Variants in CENPO observed in about 807,000 individuals in gnomAD.
The protein encoded by CENPO is centromeric protein O.
Under a neutral mutation model 36.1 loss-of-function variants are expected in CENPO, and 30 were observed. That is an observed-to-expected ratio of 0.83 (90% CI 0.62 to 1.13). CENPO has a LOEUF of 1.13. Ranked by LOEUF, CENPO falls within the 50% of genes most tolerant of loss-of-function variation. The pLI, the probability that CENPO is intolerant of heterozygous loss-of-function variation, is 0.00. For synonymous variants in CENPO, 171 were observed against 142.3 expected (o/e 1.20, Z -1.44); for missense variants, 349 against 357.8 (o/e 0.98, Z 0.20).
intron 3 of CENPO, among the ~76,000 whole-genome samples, chr2:24,807,278 TC>T (rs1666450256): frequency 2.2e-5 from 1 of 44,880 alleles, no homozygotes; most frequent in Non-Finnish European, 8.5e-5. Context: ...TTCCTAGTCT[TC>T]TCTTAAGTCT....
rs1189262495 is a variant in CENPO at position 24,815,601 on chromosome 2, C to T, written c.439C>T (p.Pro147Ser). 1.9e-6 allele frequency: 3 copies of T among 1,613,976 alleles called. No homozygotes were observed. The African/African-American group carries it at 4.0e-5, about 22-fold the overall frequency. The change falls in exon 5 of 8, where the codon CCA (proline) becomes TCA (serine). Residue 147 changes from proline to serine, a missense_variant. Coordinates refer to ENST00000380834, the MANE Select transcript of CENPO (RefSeq NM_001322101.2). Reference sequence around the variant, plus strand: ...TTTTGTGGACCTTGTCATACAGAAACCACTCCGGATACATCACCATTCAGT... The same window carrying T: ...TTTTGTGGACCTTGTCATACAGAAATCACTCCGGATACATCACCATTCAGT... The part of the protein sequence containing the change: ...SYFVDLVIQK[P>S]LRIHHHSVPV...
chr2:24,818,195 A>G (rs1419400058), intron 7 of CENPO, among the ~76,000 whole-genome samples: 2 of 152,224 alleles, frequency 1.3e-5, no homozygotes, highest in Non-Finnish European at 2.9e-5. Flanking sequence ...TGTCACAGTA[A>G]CTGCTACTAA....
At position 24,815,617 on chromosome 2, in the gene CENPO, A is replaced by G; in HGVS notation, c.455A>G (p.His152Arg). The G allele has an allele frequency of 6.2e-7, 1 of 1,614,156 alleles. No homozygotes were observed. The highest frequency in any genetic ancestry group is 8.5e-7 in the Non-Finnish European group (1 of 1,180,026). Reference sequence around the variant, plus strand: ...ATACAGAAACCACTCCGGATACATCACCATTCAGTCCCAGTCTTCATTCCC... The same window carrying G: ...ATACAGAAACCACTCCGGATACATCGCCATTCAGTCCCAGTCTTCATTCCC... ...LVIQKPLRIH[H>R]HSVPVFIPLE... Residue 152 changes from histidine (H) to arginine (R), a missense_variant, in exon 5 of 8, where the codon CAC becomes CGC. Coordinates refer to ENST00000380834, the MANE Select transcript of CENPO (RefSeq NM_001322101.2).
rs1194013224 is a variant in CENPO at position 24,819,723 on chromosome 2, AGACCCCTATGCTGGG to A, written c.*409_*423del. 2.6e-5 allele frequency: 15 copies of A among 571,700 alleles called. No individual in the cohort carries two copies. In the East Asian group the frequency reaches 2.9e-4, roughly 11 times the overall value. 35.4% of individuals were successfully genotyped at this position (571,700 alleles called of 1,614,324 possible). A position where few individuals can be genotyped will look rare whatever the true frequency, so the allele number is the denominator to read the frequency against. On this transcript the variant is annotated 3_prime_UTR_variant, in exon 8 of 8. Transcript: ENST00000380834. ...GAAGGACTGTTCAGCCCTATGCCTA[AGACCCCTATGCTGGG>A]GACACTACAGGCACACACAGGAATA... is the stretch of plus-strand genomic sequence containing the variant.
rs373113971 is a variant in CENPO at position 24,815,679 on chromosome 2, A to G, written c.517A>G (p.Ile173Val). The G allele has an allele frequency of 4.3e-6, 7 of 1,613,884 alleles. No homozygotes were observed. The highest frequency in any genetic ancestry group is 4.2e-6 in the Non-Finnish European group (5 of 1,179,858). ...AGCTGCAAAATATTTACAGACCAAC[A>G]TCCAGCACTTCCTGTTCAGTCTCTG... ...EIAAKYLQTN[I>V]QHFLFSLCEY... The change falls in exon 5 of 8, where the codon ATC becomes GTC. Residue 173 changes from isoleucine (I) to valine (V), a missense_variant. Ile to Val is a conservative substitution (Grantham distance 29). Transcript: ENST00000380834.
At chr2:24,815,475 G>A (rs1666897587) in intron 4 of CENPO, 22 bp from the exon 5 acceptor site, 7 of 1,610,482 alleles carry the variant, frequency 4.3e-6, no homozygotes, top group Non-Finnish European at 5.9e-6. Flanking sequence ...TGTCTATTGA[G>A]GTGTCTTCTT....
In CENPO at chr2:24,815,561, C is replaced by T. The variant is rs1666901844; in HGVS notation, c.399C>T (p.Asn133=). ...CVCISTAFEG[N]LLDSYFVDLV... The stretch of plus-strand genomic sequence containing the variant: ...GCATCAGTACTGCTTTTGAGGGGAA[C>T]CTATTGGATTCCTATTTTGTGGACC... Residue 133 remains asparagine, a synonymous_variant, in exon 5 of 8, where the codon AAC becomes AAT. Coordinates refer to ENST00000380834, the MANE Select transcript of CENPO (RefSeq NM_001322101.2). The T allele has an allele frequency of 2.5e-6, 4 of 1,612,728 alleles. No individual in the cohort carries two copies. In the African/African-American group the frequency reaches 5.3e-5, roughly 22 times the overall value.
At chr2:24,803,924 TG>T (rs1300086517) in intron 3 of CENPO, among the ~76,000 whole-genome samples, 2 of 152,286 alleles carry the variant, frequency 1.3e-5, no homozygotes, top group African/African-American at 4.8e-5. Context: ...ATGTTGATGG[TG>T]GGGTGTTAAA....
chr2:24,822,232 G>A lies in CENPO; in HGVS notation c.*2914G>A, dbSNP rs921193195. 4 of 301,908 alleles carry A rather than the reference G, an allele frequency of 1.3e-5. No individual in the cohort carries two copies. The Admixed American group carries it at 1.8e-4, about 14-fold the overall frequency. The allele number at this position is 301,908 out of a possible 1,614,324, so 18.7% of individuals were successfully genotyped here. ...TTCCCTTGTTGACAATTGCTCTCCA[G>A]TTCCTATGAAAGCACAGAGCCTTAG... is the stretch of plus-strand genomic sequence containing the variant. On this transcript the variant is annotated 3_prime_UTR_variant, in exon 8 of 8. Transcript: ENST00000380834.
At chr2:24,816,568 C>T (rs559981016) in intron 5 of CENPO, 78 bp from the exon 6 acceptor site, 15 of 989,726 alleles carry the variant, frequency 1.5e-5, no homozygotes, top group South Asian at 1.0e-4. Context: ...TTTTGGTTGA[C>T]GTAATTGAAG....
intron 3 of CENPO, among the ~76,000 whole-genome samples, chr2:24,808,885 CT>C (rs777345119): frequency 4.1e-4 from 59 of 142,216 alleles, no homozygotes; most frequent in Middle Eastern, 3.6e-3. Flanking sequence ...AGACATTTTC[CT>C]TTTTTTTTTT....
In CENPO at chr2:24,820,170, G is replaced by T; in HGVS notation, c.*852G>T. 1 of 1,330,354 alleles carries T rather than the reference G, an allele frequency of 7.5e-7. No homozygotes were observed. The highest frequency in any genetic ancestry group is 1.0e-6 in the Non-Finnish European group (1 of 983,620). 82.4% of individuals were successfully genotyped at this position (1,330,354 alleles called of 1,614,324 possible). A position where few individuals can be genotyped will look rare whatever the true frequency, so the allele number is the denominator to read the frequency against. On this transcript the variant is annotated 3_prime_UTR_variant, in exon 8 of 8. Transcript: ENST00000380834. ...GTTACGGGGGGAGCCTAGACTGAGG[G>T]CGGGTGGGGGCTTTGGGTGGTTGGA...
chr2:24,821,874 T>TG lies in CENPO; in HGVS notation c.*2557dup, dbSNP rs1667778107. 8 of 515,010 alleles carry TG rather than the reference T, an allele frequency of 1.6e-5. No individual in the cohort carries two copies. The highest frequency in any genetic ancestry group is 2.7e-5 in the Non-Finnish European group (8 of 298,050). 31.9% of individuals were successfully genotyped at this position (515,010 alleles called of 1,614,324 possible). A position where few individuals can be genotyped will look rare whatever the true frequency, so the allele number is the denominator to read the frequency against. On this transcript the variant is annotated 3_prime_UTR_variant, in exon 8 of 8. Coordinates refer to ENST00000380834, the MANE Select transcript of CENPO (RefSeq NM_001322101.2). ...CAATTGAGCAGAGGAGACGGACCTG[T>TG]GAGTCTGACCACGAGGCGGACCCCT...
At chr2:24,804,705 C>G (rs1056581353) in intron 3 of CENPO, among the ~76,000 whole-genome samples, 2 of 152,344 alleles carry the variant, frequency 1.3e-5, no homozygotes, top group African/African-American at 4.8e-5. Flanking sequence ...AGCTGTTAGT[C>G]TGATGGGCTT....
Position 24,814,493 on chromosome 2 carries a change from G to A in CENPO, c.334G>A (p.Gly112Ser), listed in dbSNP as rs776682842. The A allele has an allele frequency of 6.9e-7, 1 of 1,459,632 alleles. No individual in the cohort carries two copies. The highest frequency in any genetic ancestry group is 9.6e-7 in the Non-Finnish European group (1 of 1,039,212). 90.4% of individuals were successfully genotyped at this position (1,459,632 alleles called of 1,614,324 possible). ...KAILQAYHFT[G>S]LSGKLTSRGV... Reference sequence around the variant, plus strand: ...CATTCTGCAGGCATATCATTTTACAGGTTTTGTTTGTTTTTTTAACCTAAT... The same window carrying A: ...CATTCTGCAGGCATATCATTTTACAAGTTTTGTTTGTTTTTTTAACCTAAT... The change falls in exon 4 of 8, where the codon GGC becomes AGC. Residue 112 changes from glycine (G) to serine (S), a missense_variant and splice_region_variant. Transcript: ENST00000380834.
chr2:24,815,537 C>T lies in CENPO; in HGVS notation c.375C>T (p.Cys125=), dbSNP rs540115327. ...GKLTSRGVCV[C]ISTAFEGNLL... Reference sequence around the variant, plus strand: ...TGACCAGCCGAGGAGTTTGTGTCTGCATCAGTACTGCTTTTGAGGGGAACC... The same window carrying T: ...TGACCAGCCGAGGAGTTTGTGTCTGTATCAGTACTGCTTTTGAGGGGAACC... The change falls in exon 5 of 8, where the codon TGC becomes TGT. Residue 125 remains cysteine (C), a synonymous_variant. Coordinates refer to ENST00000380834, the MANE Select transcript of CENPO (RefSeq NM_001322101.2). 12 of 1,613,818 alleles carry T rather than the reference C, an allele frequency of 7.4e-6. No homozygotes were observed. The highest frequency in any genetic ancestry group is 6.7e-5 in the Admixed American group (4 of 60,024).
intron 2 of CENPO, 82 bp from the exon 3 acceptor site, chr2:24,799,593 C>T (rs1310348134): frequency 1.7e-5 from 19 of 1,101,994 alleles, no homozygotes; most frequent in Non-Finnish European, 1.5e-5. Context: ...AAAAGAGTCA[C>T]CTGTTCTTCC....
At chr2:24,804,946 A>G (rs1666321496) in intron 3 of CENPO, among the ~76,000 whole-genome samples, 1 of 152,138 alleles carries the variant, frequency 6.6e-6, no homozygotes, top group African/African-American at 2.4e-5. Flanking sequence ...CATTCTCCCC[A>G]TCACTTTCAG....
At chr2:24,800,470 TC>T (rs1182009137) in intron 3 of CENPO, among the ~76,000 whole-genome samples, 1 of 88,744 alleles carries the variant, frequency 1.1e-5, no homozygotes, top group Non-Finnish European at 2.2e-5. Flanking sequence ...ATGCTATCCC[TC>T]CCCCCTCCCC....
Sources: allele counts gnomAD v4.1 joint callset (sites outside exome capture counted in the v4.1 genomes callset), GRCh38; gene constraint gnomAD v4.1.1; transcripts MANE v1.5; gene names NCBI Gene and HGNC (gene_info 2026-07-23, HGNC 2026-07-21).